Variants in SNCAIP observed in about 807,000 individuals in gnomAD.
SNCAIP encodes synuclein alpha interacting protein, also known as synphilin-1.
A neutral mutation model predicts 86.7 loss-of-function variants in SNCAIP; 43 were observed. The observed-to-expected ratio is 0.50, with a 90% confidence interval of 0.39 to 0.64. The LOEUF is 0.64. SNCAIP is among the 30% of genes least tolerant of loss of function. The pLI, the probability that SNCAIP is intolerant of heterozygous loss-of-function variation, is 0.00. For missense variants in SNCAIP, 981 were observed against 1,103.1 expected (o/e 0.89, Z 1.57); for synonymous variants, 417 against 427.2 (o/e 0.98, Z 0.29).
intron 6 of SNCAIP, among the ~76,000 whole-genome samples, chr5:122,440,014 A>G (rs1780468018): frequency 6.6e-6 from 1 of 152,202 alleles, no homozygotes; most frequent in South Asian, 2.1e-4. Flanking sequence ...CTTTACCTTA[A>G]GACACCACCA....
At chr5:122,391,347 G>A (rs1769310209) in intron 2 of SNCAIP, among the ~76,000 whole-genome samples, 156 bp downstream of exon 2, 1 of 152,158 alleles carries the variant, frequency 6.6e-6, no homozygotes, top group African/African-American at 2.4e-5. Context: ...TGTGGTTTGG[G>A]GGGATCTCTT....
At chr5:122,348,114 A>G (rs1308706832) in intron 1 of SNCAIP, among the ~76,000 whole-genome samples, 3 of 152,152 alleles carry the variant, frequency 2.0e-5, no homozygotes, top group Non-Finnish European at 4.4e-5. Flanking sequence ...CCCATCCATT[A>G]TTACAGATTT....
Position 122,446,743 on chromosome 5 carries a change from A to G in SNCAIP, c.1592+2011A>G, listed in dbSNP as rs148674622. On this transcript the variant is annotated intron_variant, in intron 8 of 10. Transcript: ENST00000261368. ...AGTACACTGTGCCCTTCAGGCTCCC[A>G]GACACCAATAACATAGACAAGGACA... Among the ~76,000 whole-genome samples the G allele has an allele frequency of 1.4e-3, 214 of 152,342 alleles. 1 individual carries two copies. The highest frequency in any genetic ancestry group is 4.9e-3 in the African/African-American group (205 of 41,572).
At chr5:122,437,044 A>G (rs1189451587) in intron 6 of SNCAIP, 1 of 152,340 alleles carries the variant, frequency 6.6e-6, no homozygotes, top group East Asian at 1.9e-4. Flanking sequence ...ATCTTCATCC[A>G]TGTGACTTCA....
At chr5:122,439,770 C>G (rs1780387064) in intron 6 of SNCAIP, among the ~76,000 whole-genome samples, 1 of 152,106 alleles carries the variant, frequency 6.6e-6, no homozygotes, top group Admixed American at 6.5e-5. Context: ...GTTGTTTTTA[C>G]CACTCTCATA....
intron 1 of SNCAIP, among the ~76,000 whole-genome samples, chr5:122,354,789 A>G (rs1431271291): frequency 6.6e-6 from 1 of 152,134 alleles, no homozygotes; most frequent in South Asian, 2.1e-4. Flanking sequence ...TCATTTTTAT[A>G]CTTTTTATTC....
intron 1 of SNCAIP, among the ~76,000 whole-genome samples, chr5:122,359,158 AAT>A (rs769888027): frequency 1.3e-4 from 20 of 152,128 alleles, no homozygotes; most frequent in African/African-American, 3.8e-4. Flanking sequence ...TGTCAGAAAT[AAT>A]ATGTCATTTT....
chr5:122,451,815 G>C (rs1783747742), intron 10 of SNCAIP: 1 of 528,380 alleles, frequency 1.9e-6, no homozygotes, highest in Non-Finnish European at 3.3e-6. Context: ...CTCTAAGAGA[G>C]AAAGGTTAAA....
At chr5:122,446,759 G>C (rs1247443375) in intron 8 of SNCAIP, among the ~76,000 whole-genome samples, 1 of 152,168 alleles carries the variant, frequency 6.6e-6, no homozygotes, top group Non-Finnish European at 1.5e-5. Flanking sequence ...CAATAACATA[G>C]ACAAGGACAG....
intron 2 of SNCAIP, among the ~76,000 whole-genome samples, chr5:122,397,803 A>C (rs1357984735): frequency 1.3e-5 from 2 of 152,150 alleles, no homozygotes; most frequent in African/African-American, 4.8e-5. Context: ...AGTATATTCC[A>C]TGTGGTGGGG....
chr5:122,346,058 T>C (rs1233249491), intron 1 of SNCAIP, among the ~76,000 whole-genome samples: 1 of 152,206 alleles, frequency 6.6e-6, no homozygotes, highest in African/African-American at 2.4e-5. Context: ...ATGGAAATTC[T>C]ATCTGGTAGA....
At position 122,458,698 on chromosome 5, in the gene SNCAIP, ACT is replaced by A. The variant is rs574624169; in HGVS notation, c.2755-4790_2755-4789del. On this transcript the variant is annotated intron_variant, in intron 10 of 10. Coordinates refer to ENST00000261368, the MANE Select transcript of SNCAIP (RefSeq NM_005460.4). ...TGCCACATCCCTGGATGGCCGGGCCACTCTGCAAATATTTTCAGCTCTAAGCC... is the reference window on the plus strand; with the variant it reads ...TGCCACATCCCTGGATGGCCGGGCCACTGCAAATATTTTCAGCTCTAAGCC... 1.8e-3 allele frequency among the ~76,000 whole-genome samples: 274 copies of A among 152,180 alleles called. 1 individual carries two copies. Among genetic ancestry groups the A allele is most frequent in the African/African-American group, 6.3e-3 (262 of 41,510 alleles).
chr5:122,336,203 A>T (rs1300720253), intron 1 of SNCAIP, among the ~76,000 whole-genome samples: 3 of 152,284 alleles, frequency 2.0e-5, no homozygotes, highest in African/African-American at 4.8e-5. Context: ...AGAGAGAGAG[A>T]GTGTGTAACA....
intron 1 of SNCAIP, among the ~76,000 whole-genome samples, chr5:122,322,462 C>T (rs985075333): frequency 2.0e-5 from 3 of 152,276 alleles, no homozygotes; most frequent in Middle Eastern, 3.4e-3. Context: ...GAAAACAGCA[C>T]GGTTACCTCA....
At chr5:122,444,349 T>C in intron 7 of SNCAIP, 1 of 610,270 alleles carries the variant, frequency 1.6e-6, no homozygotes, top group South Asian at 1.8e-5. Flanking sequence ...CTCCTCTCCT[T>C]CCCAGCCCCC....
At chr5:122,317,318 G>A (rs1225467858) in intron 1 of SNCAIP, among the ~76,000 whole-genome samples, 1 of 152,140 alleles carries the variant, frequency 6.6e-6, no homozygotes, top group Non-Finnish European at 1.5e-5. Context: ...GCATATACTG[G>A]CTACTGTAAA....
At chr5:122,394,264 C>G (rs1329252011) in intron 2 of SNCAIP, among the ~76,000 whole-genome samples, 1 of 152,112 alleles carries the variant, frequency 6.6e-6, no homozygotes, top group Non-Finnish European at 1.5e-5. Flanking sequence ...ATTACATAGT[C>G]TAGGCTTTCT....
At chr5:122,342,300 A>G (rs1411544141) in intron 1 of SNCAIP, among the ~76,000 whole-genome samples, 2 of 152,102 alleles carry the variant, frequency 1.3e-5, no homozygotes, top group African/African-American at 4.8e-5. Context: ...GAAGAGTGGA[A>G]CCAGCAACTC....
intron 2 of SNCAIP, among the ~76,000 whole-genome samples, chr5:122,398,368 A>C (rs1771065777): frequency 6.6e-6 from 1 of 152,122 alleles, no homozygotes. Context: ...GTCCCAAGGG[A>C]AGGGACAATG....
Sources: gnomAD v4.1 joint callset for allele counts (sites outside exome capture counted in the v4.1 genomes callset) on GRCh38, gnomAD v4.1.1 for gene constraint, MANE v1.5 for transcripts, NCBI Gene and HGNC (gene_info 2026-07-23, HGNC 2026-07-21) for gene names.